PIEZO2: variants seen among roughly 807,000 people sequenced by gnomAD.
PIEZO2 encodes the protein piezo type mechanosensitive ion channel component 2, also known as piezo-type mechanosensitive ion channel component 2.
Under a neutral mutation model 337.3 loss-of-function variants are expected in PIEZO2, and 172 were observed. The observed-to-expected ratio is 0.51, with a 90% CI of 0.45 to 0.58. The LOEUF is 0.58. Among genes scored for constraint, PIEZO2 ranks in the 20% least tolerant of loss-of-function variants. The pLI, the probability that PIEZO2 is intolerant of heterozygous loss-of-function variation, is 0.00. For missense variants in PIEZO2, 3,028 were observed against 3,391.3 expected (o/e 0.89, Z 2.66); for synonymous variants, 1,251 against 1,228.5 (o/e 1.02, Z -0.38).
At chr18:10,763,184 T>C (rs1168092152) in intron 21 of PIEZO2, 86 bp from the exon 22 acceptor site, 4 of 1,396,576 alleles carry the variant, frequency 2.9e-6, no homozygotes. Flanking sequence ...TGACTTGATT[T>C]ACTCAGTTCG....
chr18:10,942,003 C>T lies in PIEZO2; in HGVS notation c.287-30775G>A, dbSNP rs990853979. 6.6e-6 allele frequency among the ~76,000 whole-genome samples: 1 copy of T among 152,290 alleles called. No individual in the cohort carries two copies. Among genetic ancestry groups the T allele is most frequent in the East Asian group, 1.9e-4 (1 of 5,164 alleles). ...TTTTAAAGATGGGAGTTTCTCTGTA[C>T]AAGTCTCTCTTCGCCTGCTGCCATC... On this transcript the variant is annotated intron_variant, in intron 3 of 55. Transcript: ENST00000674853. The surrounding 1 kb of genome is among the most constrained non-coding windows in gnomAD (Gnocchi z 4.4).
intron 7 of PIEZO2, among the ~76,000 whole-genome samples, chr18:10,810,518 C>G (rs2040155874): frequency 6.6e-6 from 1 of 152,194 alleles, no homozygotes; most frequent in Non-Finnish European, 1.5e-5. Flanking sequence ...TCATCCTACT[C>G]CCTACTCCCC....
At chr18:10,966,714 C>T (rs2034014479) in intron 3 of PIEZO2, among the ~76,000 whole-genome samples, 1 of 151,604 alleles carries the variant, frequency 6.6e-6, no homozygotes, top group South Asian at 2.1e-4. Flanking sequence ...TTTGGTTCAC[C>T]CATCACCTGA....
chr18:11,062,420 T>A (rs1461508779), intron 2 of PIEZO2, among the ~76,000 whole-genome samples: 2 of 152,058 alleles, frequency 1.3e-5, no homozygotes, highest in Non-Finnish European at 2.9e-5. Context: ...GGATCTAATT[T>A]AACTAAAGAG....
At chr18:10,851,059 G>A (rs915477427) in intron 7 of PIEZO2, among the ~76,000 whole-genome samples, 77 of 152,026 alleles carry the variant, frequency 5.1e-4, no homozygotes, top group African/African-American at 1.8e-3. Context: ...CCGTGGTTAT[G>A]AAATTTGTGA....
intron 15 of PIEZO2, among the ~76,000 whole-genome samples, chr18:10,788,838 G>A (rs2039316906): frequency 6.6e-6 from 1 of 152,150 alleles, no homozygotes; most frequent in Non-Finnish European, 1.5e-5. Context: ...CTCCTCCCTT[G>A]CCTCCCAAAG....
intron 7 of PIEZO2, among the ~76,000 whole-genome samples, chr18:10,849,620 A>G (rs1266851342): frequency 6.6e-6 from 1 of 152,146 alleles, no homozygotes; most frequent in African/African-American, 2.4e-5. Context: ...CCAGCCCTAC[A>G]AGTAGGAAAC....
rs1343524755 is a variant in PIEZO2 at position 10,895,405 on chromosome 18, C to T, written c.329+15781G>A. On this transcript the variant is annotated intron_variant, in intron 4 of 55. Transcript: ENST00000674853. This position sits in a 1 kb window ranked among gnomAD's most constrained non-coding sequence, Gnocchi z 4.8. ...AGGTTGCAGTGAGCCGAGATTGCAC[C>T]ACAGCACTCCAGCCTGGGCAACAGA... 6.6e-6 allele frequency among the ~76,000 whole-genome samples: 1 copy of T among 151,942 alleles called. No homozygotes were observed. The highest frequency in any genetic ancestry group is 2.4e-5 in the African/African-American group (1 of 41,360).
At chr18:11,147,620 T>C (rs1599032277) in intron 1 of PIEZO2, among the ~76,000 whole-genome samples, 1 of 152,240 alleles carries the variant, frequency 6.6e-6, no homozygotes, top group Admixed American at 6.5e-5. Flanking sequence ...TTCCTAGCTC[T>C]TGTTGGTGAG....
intron 1 of PIEZO2, among the ~76,000 whole-genome samples, chr18:11,100,039 T>C (rs2039367542): frequency 1.3e-5 from 2 of 152,188 alleles, no homozygotes; most frequent in Non-Finnish European, 2.9e-5. Flanking sequence ...TTAAGAAAAG[T>C]AAGTGTATTT....
At position 10,757,950 on chromosome 18, in the gene PIEZO2, A is replaced by T. The variant is rs1320658423; in HGVS notation, c.3923+19T>A. The T allele has an allele frequency of 6.6e-7, 1 of 1,525,188 alleles. No individual in the cohort carries two copies. The allele number at this position is 1,525,188 out of a possible 1,614,324, so 94.5% of individuals were successfully genotyped here. ...GCACACATCAAAGTGGCTTTTAGCA[A>T]ATGTGAAGCTCTTGTTACCTGCAGT... On this transcript the variant is annotated intron_variant, in intron 27 of 55. Coordinates refer to ENST00000674853, the MANE Select transcript of PIEZO2 (RefSeq NM_001378183.1).
At chr18:11,030,068 A>G (rs946245492) in intron 2 of PIEZO2, among the ~76,000 whole-genome samples, 32 of 152,166 alleles carry the variant, frequency 2.1e-4, no homozygotes, top group African/African-American at 7.0e-4. Flanking sequence ...ACATCTTTTA[A>G]TTTTAATGCT....
rs1207260434 is a variant in PIEZO2, at chr18:10,846,198, C to T, written c.917+9155G>A. 2.6e-5 allele frequency among the ~76,000 whole-genome samples: 4 copies of T among 152,154 alleles called. No homozygotes were observed. Among genetic ancestry groups the T allele is most frequent in the Non-Finnish European group, 4.4e-5 (3 of 68,026 alleles). On this transcript the variant is annotated intron_variant, in intron 7 of 55. Transcript: ENST00000674853. This position sits in a 1 kb window ranked among gnomAD's most constrained non-coding sequence, Gnocchi z 4.1. The stretch of plus-strand genomic sequence containing the variant: ...TACAGTTCCACATGGCTAGGGAGGC[C>T]TCACAATCATGGCAGAAGGCAAGGA...
At position 10,689,792 on chromosome 18, in the gene PIEZO2, C is replaced by T. The variant is rs202161305; in HGVS notation, c.7360G>A (p.Val2454Met). 2.9e-5 allele frequency: 47 copies of T among 1,608,814 alleles called. No homozygotes were observed. Among genetic ancestry groups the T allele is most frequent in the Non-Finnish European group, 3.1e-5 (36 of 1,177,038 alleles). Reference sequence around the variant, plus strand: ...GCCCTCAGCTCAGTCAAAAAGGGCACGAGGCGAAACCTGGCAGGAAACACA... The same window carrying T: ...GCCCTCAGCTCAGTCAAAAAGGGCATGAGGCGAAACCTGGCAGGAAACACA... ...NLFLFQGFRL[V>M]PFLTELRAVM... The change falls in exon 49 of 56, where the codon GTG (valine) becomes ATG (methionine). Residue 2454 changes from valine to methionine, a missense_variant. By Grantham distance (21) the Val-to-Met change is conservative (BLOSUM62 1). Transcript: ENST00000674853.
At chr18:10,897,217 C>T (rs1035074294) in intron 4 of PIEZO2, among the ~76,000 whole-genome samples, 2 of 151,198 alleles carry the variant, frequency 1.3e-5, no homozygotes. Context: ...GATGGAGCCT[C>T]GCTCTGTCTC....
In PIEZO2 at chr18:10,787,291, G is replaced by A. The variant is rs1036037358; in HGVS notation, c.2170-107C>T. 6.4e-6 allele frequency: 7 copies of A among 1,094,388 alleles called. No homozygotes were observed. The African/African-American group carries it at 7.9e-5, about 12-fold the overall frequency. 67.8% of individuals were successfully genotyped at this position (1,094,388 alleles called of 1,614,324 possible). A position where few individuals can be genotyped will look rare whatever the true frequency, so the allele number is the denominator to read the frequency against. On this transcript the variant is annotated intron_variant, in intron 15 of 55. Coordinates refer to ENST00000674853, the MANE Select transcript of PIEZO2 (RefSeq NM_001378183.1). ...TAAGACAAGTGATACATTTACAAGTGTCTGAAAATAAAGTCTATTTCATTT... is the reference window on the plus strand; with the variant it reads ...TAAGACAAGTGATACATTTACAAGTATCTGAAAATAAAGTCTATTTCATTT...
intron 35 of PIEZO2, among the ~76,000 whole-genome samples, chr18:10,733,457 T>C (rs2036867835): frequency 6.7e-6 from 1 of 149,746 alleles, no homozygotes. Flanking sequence ...AATTTTTTTT[T>C]TTTTTTTTTT....
At chr18:11,122,728 A>C (rs1234422999) in intron 1 of PIEZO2, among the ~76,000 whole-genome samples, 1 of 152,180 alleles carries the variant, frequency 6.6e-6, no homozygotes, top group Non-Finnish European at 1.5e-5. Context: ...ATTTATCTAT[A>C]AGACACTTGG....
At chr18:11,040,583 T>A (rs2037086547) in intron 2 of PIEZO2, among the ~76,000 whole-genome samples, 1 of 152,214 alleles carries the variant, frequency 6.6e-6, no homozygotes, top group Non-Finnish European at 1.5e-5. Flanking sequence ...CAGGATTGTA[T>A]CATTCATATA....
Sources: allele counts gnomAD v4.1 joint callset (sites outside exome capture counted in the v4.1 genomes callset), GRCh38; gene constraint gnomAD v4.1.1; non-coding constraint Gnocchi (gnomAD v3.1); transcripts MANE v1.5; gene names NCBI Gene and HGNC (gene_info 2026-07-23, HGNC 2026-07-21).